KIAA1217: variants seen among roughly 807,000 people sequenced by gnomAD.
KIAA1217 encodes the protein sickle tail protein homolog.
A neutral mutation model predicts 163.9 loss-of-function variants in KIAA1217; 88 were observed. The ratio of observed to expected loss-of-function variants is 0.54; its 90% CI spans 0.45 to 0.64. The LOEUF is 0.64. Ranked by LOEUF, KIAA1217 falls within the 30% of genes least tolerant of loss-of-function variation. KIAA1217 has a pLI of 0.00. For missense variants in KIAA1217, 2,372 were observed against 2,475.0 expected (o/e 0.96, Z 0.88); for synonymous variants, 903 against 923.1 (o/e 0.98, Z 0.39).
chr10:24,060,176 C>T (rs939572322), intron 2 of KIAA1217, among the ~76,000 whole-genome samples: 4 of 151,742 alleles, frequency 2.6e-5, no homozygotes, highest in Non-Finnish European at 4.4e-5. Flanking sequence ...TTGCTATTCT[C>T]TATTCTATTT....
chr10:23,751,728 AG>A (rs1174653698), intron 1 of KIAA1217, among the ~76,000 whole-genome samples: 1 of 152,178 alleles, frequency 6.6e-6, no homozygotes, highest in Non-Finnish European at 1.5e-5. Flanking sequence ...GTGAATAAAA[AG>A]TTTTTTCTTC....
At chr10:24,165,291 G>A (rs1242938258) in intron 2 of KIAA1217, among the ~76,000 whole-genome samples, 1 of 152,158 alleles carries the variant, frequency 6.6e-6, no homozygotes, top group African/African-American at 2.4e-5. Context: ...GCTGGGAATG[G>A]AAGAAGTTGA....
rs146538864 is a variant in KIAA1217 at position 23,736,295 on chromosome 10, T to C, written c.-321+41061T>C. Among the ~76,000 whole-genome samples, 1,011 of 152,336 alleles carry C rather than the reference T, an allele frequency of 6.6e-3. 15 individuals carry two copies. The highest frequency in any genetic ancestry group is 0.023 in the African/African-American group (958 of 41,572). On this transcript the variant is annotated intron_variant, in intron 1 of 18. Transcript: ENST00000376462. ...GATATGTGCAGTATGGTGAGTGTGG[T>C]ATGACACACAGATTTAATTTTATTT...
rs769797460 is a variant in KIAA1217 at position 23,918,733 on chromosome 10, T to TATATACACACACACAC, written c.-320-88491_-320-88490insTATACACACACACACA. Among the ~76,000 whole-genome samples the TATATACACACACACAC allele has an allele frequency of 4.3e-3, 641 of 147,554 alleles. 9 individuals carry two copies. The highest frequency in any genetic ancestry group is 0.015 in the African/African-American group (601 of 40,008). ...GTGTGATCTTTAAGAATTAAATATA[T>TATATACACACACACAC]ACACACACACACACACACACACACA... is the stretch of plus-strand genomic sequence containing the variant. On this transcript the variant is annotated intron_variant, in intron 1 of 18. Coordinates refer to the KIAA1217 transcript ENST00000376462.
intron 2 of KIAA1217, among the ~76,000 whole-genome samples, chr10:24,119,958 T>C (rs1416662480): frequency 6.6e-6 from 1 of 152,210 alleles, no homozygotes; most frequent in Non-Finnish European, 1.5e-5. Context: ...AGAAAGACAA[T>C]GGGTGAAACC....
chr10:24,475,022 A>G (rs1007136868), intron 6 of KIAA1217, among the ~76,000 whole-genome samples: 3 of 152,128 alleles, frequency 2.0e-5, no homozygotes, highest in Non-Finnish European at 2.9e-5. Flanking sequence ...AGTTCTAGAC[A>G]AGCCTGGCCA....
intron 1 of KIAA1217, among the ~76,000 whole-genome samples, chr10:23,876,537 A>G (rs1006254272): frequency 1.3e-4 from 20 of 151,940 alleles, no homozygotes; most frequent in African/African-American, 3.4e-4. Flanking sequence ...CCAGTTTTAT[A>G]TGGTACCGTA....
In KIAA1217 at chr10:23,852,124, C is replaced by A. The variant is rs7067862; in HGVS notation, c.-320-155101C>A. 4.2e-3 allele frequency among the ~76,000 whole-genome samples: 645 copies of A among 152,182 alleles called. 5 individuals are homozygous for A. Among genetic ancestry groups the A allele is most frequent in the African/African-American group, 0.015 (602 of 41,516 alleles). On this transcript the variant is annotated intron_variant, in intron 1 of 18. Transcript: ENST00000376462. The stretch of plus-strand genomic sequence containing the variant: ...TCCTGAATGGTAATGCCTAGGTTTT[C>A]TTCTAGGGTTTTTATGGTTTTAGGT...
At position 24,501,466 on chromosome 10, in the gene KIAA1217, C is replaced by T. The variant is rs149683257; in HGVS notation, c.1922C>T (p.Ala641Val). The T allele has an allele frequency of 5.0e-4, 813 of 1,614,036 alleles. 10 individuals are homozygous for T. Among genetic ancestry groups the T allele is most frequent in the Non-Finnish European group, 8.9e-5 (105 of 1,179,972 alleles). The change falls in exon 9 of 21, where the codon GCC becomes GTC. Residue 641 changes from alanine (A) to valine (V), a missense_variant. Physicochemically the swap from Ala to Val is moderately conservative, Grantham distance 64 (BLOSUM62 0). Around this residue, in one of 3 missense-constraint regions of KIAA1217, gnomAD observed 1,431 missense variants for 1,470.3 expected, o/e 0.97. Coordinates refer to ENST00000376454, the MANE Select transcript of KIAA1217 (RefSeq NM_019590.5). Reference sequence around the variant, plus strand: ...CAGCCTCCACCTGTGGGCACCTCAGCCATCCACATGAGCCTGCTTGAGATG... The same window carrying T: ...CAGCCTCCACCTGTGGGCACCTCAGTCATCCACATGAGCCTGCTTGAGATG... ...PSQPPPVGTS[A>V]IHMSLLEMRR...
chr10:23,849,029 C>T (rs1839179131), intron 1 of KIAA1217, among the ~76,000 whole-genome samples: 1 of 151,892 alleles, frequency 6.6e-6, no homozygotes, highest in Non-Finnish European at 1.5e-5. Flanking sequence ...TGGCACAGTC[C>T]TAGGACAAAG....
At chr10:24,422,937 C>A (rs61422758) in intron 3 of KIAA1217, among the ~76,000 whole-genome samples, 8,264 of 129,128 alleles carry the variant, frequency 0.064, 487 homozygotes, top group African/African-American at 0.15. Context: ...CAGAGTCTCG[C>A]TCTATTGCCC....
intron 2 of KIAA1217, among the ~76,000 whole-genome samples, chr10:24,228,102 C>T (rs891912617): frequency 2.6e-5 from 4 of 151,912 alleles, no homozygotes; most frequent in Non-Finnish European, 5.9e-5. Flanking sequence ...TGGGAAAGCC[C>T]CTACTCTACA....
chr10:24,497,869 A>G (rs997484306), intron 8 of KIAA1217, among the ~76,000 whole-genome samples: 4 of 152,066 alleles, frequency 2.6e-5, no homozygotes, highest in African/African-American at 9.7e-5. Flanking sequence ...AAAACTACGA[A>G]TTGGGTACAA....
At chr10:24,481,963 G>A (rs1252708604) in intron 6 of KIAA1217, 2 of 152,140 alleles carry the variant, frequency 1.3e-5, no homozygotes, top group African/African-American at 4.8e-5. Context: ...ATGATGTTTT[G>A]CCAGTCTCAG....
chr10:24,330,355 C>T (rs2045514752), intron 2 of KIAA1217, among the ~76,000 whole-genome samples: 1 of 151,780 alleles, frequency 6.6e-6, no homozygotes, highest in Admixed American at 6.6e-5. Context: ...CTATGTTACC[C>T]TTTGGACATT....
At chr10:24,478,593 T>C (rs1313490869) in intron 6 of KIAA1217, among the ~76,000 whole-genome samples, 2 of 152,098 alleles carry the variant, frequency 1.3e-5, no homozygotes, top group African/African-American at 2.4e-5. Context: ...GATGAAGTGG[T>C]TTTATCCAAG....
At chr10:24,501,059 G>A (rs2067509682) in intron 8 of KIAA1217, among the ~76,000 whole-genome samples, 2 of 149,690 alleles carry the variant, frequency 1.3e-5, no homozygotes, top group Admixed American at 6.7e-5. Flanking sequence ...CTACTTCCAG[G>A]GGTTAAGAAA....
chr10:24,515,619 T>A (rs934246960), intron 10 of KIAA1217, among the ~76,000 whole-genome samples: 1 of 152,120 alleles, frequency 6.6e-6, no homozygotes, highest in Non-Finnish European at 1.5e-5. Context: ...GGCAACCTGA[T>A]AAATAGGAGT....
intron 5 of KIAA1217, among the ~76,000 whole-genome samples, chr10:24,460,120 C>T (rs1484438141): frequency 2.6e-5 from 4 of 152,186 alleles, no homozygotes; most frequent in Non-Finnish European, 5.9e-5. Flanking sequence ...TGTTCTCTGC[C>T]ACAGACTTCA....
Sources: gnomAD v4.1 joint callset for allele counts (sites outside exome capture counted in the v4.1 genomes callset) on GRCh38, gnomAD v4.1.1 for gene constraint, gnomAD v4.1.1 regional missense constraint, MANE v1.5 for transcripts, NCBI Gene and HGNC (gene_info 2026-07-23, HGNC 2026-07-21) for gene names.